TOP6BL: variants seen among roughly 807,000 people sequenced by gnomAD.
TOP6BL encodes the protein type 2 DNA topoisomerase 6 subunit B-like.
chr11:66,837,909 C>G, the TOP6BL span, among the ~76,000 whole-genome samples: 5 of 152,154 alleles, frequency 3.3e-5, no homozygotes, highest in Non-Finnish European at 7.4e-5. Context: ...CCGATGACTA[C>G]AGAATATACC....
At chr11:66,811,264 TTCAA>T in the TOP6BL span, among the ~76,000 whole-genome samples, 5 of 152,086 alleles carry the variant, frequency 3.3e-5, no homozygotes, top group Admixed American at 6.6e-5. Context: ...GCCTCCTGAG[TTCAA>T]TCAATCAGGC....
At chr11:66,776,320 A>G in the TOP6BL span, among the ~76,000 whole-genome samples, 1 of 152,004 alleles carries the variant, frequency 6.6e-6, no homozygotes. Flanking sequence ...CGGCCTCCCA[A>G]AGTGCTGGAA....
the TOP6BL span, among the ~76,000 whole-genome samples, chr11:66,793,444 G>GTTTTTTTTT: frequency 2.0e-5 from 2 of 97,980 alleles, no homozygotes; most frequent in East Asian, 3.1e-4. Context: ...TTCTTTTTTT[G>GTTTTTTTTT]TTTTTTTTTT....
chr11:66,787,734 A>AT, the TOP6BL span, among the ~76,000 whole-genome samples: 3 of 151,316 alleles, frequency 2.0e-5, no homozygotes. Context: ...AAAAAAAAAA[A>AT]GGTACATGCC....
At chr11:66,758,239 C>A in the TOP6BL span, 2 of 619,928 alleles carry the variant, frequency 3.2e-6, no homozygotes, top group Non-Finnish European at 4.0e-6. Flanking sequence ...TCTAAAATTT[C>A]TAATATTTAT....
chr11:66,830,841 C>T, the TOP6BL span, among the ~76,000 whole-genome samples: 2 of 152,326 alleles, frequency 1.3e-5, no homozygotes, highest in South Asian at 4.1e-4. Flanking sequence ...CCTGATAGCA[C>T]TGTATCTGTT....
the TOP6BL span, among the ~76,000 whole-genome samples, chr11:66,837,560 T>A: frequency 6.6e-6 from 1 of 151,306 alleles, no homozygotes; most frequent in Non-Finnish European, 1.5e-5. Flanking sequence ...TTTTCCTGCC[T>A]CAGCCTCCTG....
At chr11:66,839,169 AC>A in the TOP6BL span, 1 of 456,318 alleles carries the variant, frequency 2.2e-6, no homozygotes, top group South Asian at 1.5e-5. Flanking sequence ...CAGCAGGGGT[AC>A]AGCAGCTCTC....
the TOP6BL span, among the ~76,000 whole-genome samples, chr11:66,763,755 C>G: frequency 6.6e-6 from 1 of 152,072 alleles, no homozygotes; most frequent in South Asian, 2.1e-4. Flanking sequence ...CATGTGCACA[C>G]CTCCATGCCC....
chr11:66,823,400 A>G, the TOP6BL span, among the ~76,000 whole-genome samples: 1 of 151,956 alleles, frequency 6.6e-6, no homozygotes, highest in Non-Finnish European at 1.5e-5. Flanking sequence ...CTCCACTGTG[A>G]TGCTACATAG....
chr11:66,828,508 A>G, the TOP6BL span: 5,850 of 619,182 alleles, frequency 9.4e-3, 359 homozygotes, highest in East Asian at 0.14. Context: ...AAACAAAATC[A>G]TCTGTTTTCT....
At chr11:66,793,915 G>C in the TOP6BL span, among the ~76,000 whole-genome samples, 10 of 151,856 alleles carry the variant, frequency 6.6e-5, no homozygotes, top group African/African-American at 2.4e-4. Context: ...AGACCAGCCT[G>C]GGCAACATAA....
chr11:66,767,379 G>A, the TOP6BL span, among the ~76,000 whole-genome samples: 5 of 151,780 alleles, frequency 3.3e-5, no homozygotes, highest in African/African-American at 1.2e-4. Flanking sequence ...TGTCCTATTT[G>A]CTCAGCTCTG....
chr11:66,841,182 T>C, the TOP6BL span, among the ~76,000 whole-genome samples: 1 of 146,302 alleles, frequency 6.8e-6, no homozygotes, highest in South Asian at 2.2e-4. Flanking sequence ...AGTGGCGTGA[T>C]CTCGGCTCAC....
chr11:66,812,453 G>A, the TOP6BL span, among the ~76,000 whole-genome samples: 1 of 152,096 alleles, frequency 6.6e-6, no homozygotes, highest in African/African-American at 2.4e-5. Flanking sequence ...TGGGATTATA[G>A]GTGTGAGCCA....
chr11:66,782,157 G>A, the TOP6BL span, among the ~76,000 whole-genome samples: 56 of 152,142 alleles, frequency 3.7e-4, no homozygotes, highest in Non-Finnish European at 6.0e-4. Flanking sequence ...ACTTTTTTGG[G>A]GTGGGTCTAG....
chr11:66,788,774 A>G, the TOP6BL span, among the ~76,000 whole-genome samples: 2 of 152,126 alleles, frequency 1.3e-5, no homozygotes, highest in Admixed American at 1.3e-4. Flanking sequence ...TGGTCTTGCT[A>G]TGTCGCACAG....
the TOP6BL span, among the ~76,000 whole-genome samples, chr11:66,752,279 T>C: frequency 1.3e-5 from 2 of 152,120 alleles, no homozygotes; most frequent in African/African-American, 4.8e-5. Context: ...GTATACCTAA[T>C]TGATAGTTTG....
chr11:66,840,872 A>C, the TOP6BL span, among the ~76,000 whole-genome samples: 2 of 151,984 alleles, frequency 1.3e-5, no homozygotes, highest in Admixed American at 1.3e-4. Context: ...CCACCCAGCT[A>C]TCTTCCATCC....
Sources: gnomAD v4.1 joint callset for allele counts (sites outside exome capture counted in the v4.1 genomes callset) on GRCh38, gnomAD v4.1.1 for gene constraint, MANE v1.5 for transcripts, NCBI Gene and HGNC (gene_info 2026-07-23, HGNC 2026-07-21) for gene names.